Variants in PPP3CA observed in about 807,000 individuals in gnomAD.
PPP3CA encodes the protein CAM-PRP catalytic subunit.
PPP3CA carries 14 observed loss-of-function variants against 66.5 expected under a neutral mutation model. That is an observed-to-expected ratio of 0.21 (90% CI 0.14 to 0.33). The LOEUF (loss-of-function observed/expected upper bound fraction) is 0.33, where lower values mean the gene tolerates loss of function less well. PPP3CA is among the 10% of genes least tolerant of loss of function. PPP3CA has a pLI of 1.00. For synonymous variants in PPP3CA, 232 were observed against 226.2 expected, an observed-to-expected ratio of 1.03 and a Z score of -0.23; for missense variants, 317 against 639.5, an observed-to-expected ratio of 0.50 and a Z score of 5.44.
intron 2 of PPP3CA, among the ~76,000 whole-genome samples, chr4:101,151,652 C>CTTTTTTTTTT (rs369745312): frequency 1.1e-4 from 9 of 84,824 alleles, no homozygotes; most frequent in East Asian, 4.1e-4. Flanking sequence ...CCAAGGTTTC[C>CTTTTTTTTTT]TTTTTTTTTT....
At chr4:101,174,216 ATATT>A (rs2072815469) in intron 2 of PPP3CA, among the ~76,000 whole-genome samples, 1 of 152,186 alleles carries the variant, frequency 6.6e-6, no homozygotes, top group Non-Finnish European at 1.5e-5. Flanking sequence ...GCTCTATTAA[ATATT>A]TATGTTTTTA....
chr4:101,171,137 T>C, intron 2 of PPP3CA: 1 of 455,384 alleles, frequency 2.2e-6, no homozygotes, highest in Non-Finnish European at 4.4e-6. Context: ...TTACATTCCT[T>C]CCCTGCCATG....
At chr4:101,098,573 GT>G in intron 4 of PPP3CA, 61 bp from the exon 5 acceptor site, 3 of 1,497,410 alleles carry the variant, frequency 2.0e-6, no homozygotes, top group Non-Finnish European at 2.7e-6. Flanking sequence ...CACTGAAATA[GT>G]TTTGGTTTTT....
rs182223331 is a variant in PPP3CA, at chr4:101,340,316, G to A, written c.58+6423C>T. On this transcript the variant is annotated intron_variant, in intron 1 of 13. Transcript: ENST00000394854. ...ATGGATAAGGAAAACAAAAAGGACA[G>A]CAAAGTTCTATTCCTCTCTATGATG... Among the ~76,000 whole-genome samples the A allele has an allele frequency of 8.1e-4, 123 of 152,232 alleles. 1 individual carries two copies. The highest frequency in any genetic ancestry group is 2.8e-3 in the African/African-American group (116 of 41,568).
intron 8 of PPP3CA, among the ~76,000 whole-genome samples, chr4:101,066,672 C>T (rs1258351148): frequency 2.6e-5 from 4 of 151,952 alleles, no homozygotes; most frequent in Admixed American, 2.6e-4. Flanking sequence ...AAATATATAA[C>T]ACAGAAATAC....
At chr4:101,151,717 C>T (rs1302030609) in intron 2 of PPP3CA, among the ~76,000 whole-genome samples, 7 of 113,956 alleles carry the variant, frequency 6.1e-5, no homozygotes, top group Admixed American at 4.7e-4. Context: ...AGTGCAGTGG[C>T]GCAATCTCAG....
At chr4:101,156,382 G>GA (rs1050360772) in intron 2 of PPP3CA, among the ~76,000 whole-genome samples, 2 of 152,062 alleles carry the variant, frequency 1.3e-5, no homozygotes, top group African/African-American at 4.8e-5. Context: ...CACAGCAATA[G>GA]AAAAAGGCAT....
chr4:101,325,247 T>A (rs1165266552), intron 1 of PPP3CA, among the ~76,000 whole-genome samples: 1 of 152,196 alleles, frequency 6.6e-6, no homozygotes, highest in African/African-American at 2.4e-5. Flanking sequence ...AATATACATA[T>A]AAATCACCTA....
chr4:101,302,033 G>A (rs1728395016), intron 1 of PPP3CA, among the ~76,000 whole-genome samples: 1 of 151,672 alleles, frequency 6.6e-6, no homozygotes, highest in Non-Finnish European at 1.5e-5. Context: ...GCTTCTAAAG[G>A]GTATACTTTT....
chr4:101,063,143 C>G (rs1447639716), intron 9 of PPP3CA, 89 bp downstream of exon 9: 1 of 1,453,138 alleles, frequency 6.9e-7, no homozygotes, highest in East Asian at 2.3e-5. Flanking sequence ...ATTGGCTGGG[C>G]CAAAGTTCTT....
chr4:101,199,173 T>C (rs1016355876), intron 1 of PPP3CA, among the ~76,000 whole-genome samples: 1 of 152,216 alleles, frequency 6.6e-6, no homozygotes, highest in Admixed American at 6.5e-5. Context: ...TTATTTGCTT[T>C]CTCTATTCAC....
chr4:101,252,542 T>C (rs768002359), intron 1 of PPP3CA, among the ~76,000 whole-genome samples: 1 of 152,216 alleles, frequency 6.6e-6, no homozygotes, highest in Non-Finnish European at 1.5e-5. Context: ...AAAGCCCTTC[T>C]GCACACATTT....
intron 1 of PPP3CA, among the ~76,000 whole-genome samples, chr4:101,250,861 A>C (rs1726652107): frequency 1.3e-5 from 2 of 152,128 alleles, no homozygotes; most frequent in South Asian, 4.1e-4. Context: ...AAGGAAATAA[A>C]AAATTTTAAA....
At position 101,032,367 on chromosome 4, in the gene PPP3CA, G is replaced by A. The variant is rs774856110; in HGVS notation, c.1242-3C>T. On this transcript the variant is annotated splice_polypyrimidine_tract_variant and splice_region_variant and intron_variant, in intron 11 of 13. Coordinates refer to ENST00000394854, the MANE Select transcript of PPP3CA (RefSeq NM_000944.5). Reference sequence around the variant, plus strand: ...TCAGCACACTCTCACTCTCTTCTCTGGAAGGCACAATGAGGGGCGACATTA... The same window carrying A: ...TCAGCACACTCTCACTCTCTTCTCTAGAAGGCACAATGAGGGGCGACATTA... The A allele has an allele frequency of 3.1e-6, 5 of 1,610,968 alleles. No individual in the cohort carries two copies. The highest frequency in any genetic ancestry group is 1.1e-5 in the South Asian group (1 of 90,570).
intron 1 of PPP3CA, among the ~76,000 whole-genome samples, chr4:101,345,311 GAGAA>G (rs1729946731): frequency 6.6e-6 from 1 of 152,148 alleles, no homozygotes. Flanking sequence ...AACCTCTAAG[GAGAA>G]AGAATCATTT....
chr4:101,121,024 A>T (rs1553926349), intron 2 of PPP3CA, among the ~76,000 whole-genome samples: 1 of 152,144 alleles, frequency 6.6e-6, no homozygotes, highest in Non-Finnish European at 1.5e-5. Context: ...GAGTGATCAT[A>T]GAAAATTAAC....
intron 1 of PPP3CA, among the ~76,000 whole-genome samples, chr4:101,262,547 C>T (rs1727042236): frequency 6.6e-6 from 1 of 151,998 alleles, no homozygotes; most frequent in Non-Finnish European, 1.5e-5. Flanking sequence ...CTAGAGGGAA[C>T]CTTAGGAAGT....
chr4:101,100,550 G>A (rs1730399390), intron 3 of PPP3CA, among the ~76,000 whole-genome samples: 1 of 152,076 alleles, frequency 6.6e-6, no homozygotes, highest in South Asian at 2.1e-4. Flanking sequence ...ATCTACATTT[G>A]ACACAGCCTT....
intron 1 of PPP3CA, among the ~76,000 whole-genome samples, chr4:101,334,324 G>T (rs891547855): frequency 1.3e-5 from 2 of 152,062 alleles, no homozygotes; most frequent in African/African-American, 4.8e-5. Context: ...TAGTGGAAAT[G>T]ATTTTTTGCC....
Sources: allele counts gnomAD v4.1 joint callset (sites outside exome capture counted in the v4.1 genomes callset), GRCh38; gene constraint gnomAD v4.1.1; transcripts MANE v1.5; gene names NCBI Gene and HGNC (gene_info 2026-07-23, HGNC 2026-07-21).